PPFIA1: variants seen among roughly 807,000 people sequenced by gnomAD.
PPFIA1 encodes PPFI scaffold protein A1.
PPFIA1 carries 25 observed loss-of-function variants against 149.9 expected under a neutral mutation model. That is an observed-to-expected ratio of 0.17 (90% confidence interval 0.12 to 0.23). The LOEUF is 0.23. Among genes scored for constraint, PPFIA1 ranks in the 10% least tolerant of loss-of-function variants. The probability of loss-of-function intolerance (pLI) is 1.00; values close to 1 mark genes in which losing one functional copy is unlikely to be tolerated. For synonymous variants in PPFIA1, 549 were observed against 552.8 expected (o/e 0.99, Z 0.10); for missense variants, 1,362 against 1,506.5 (o/e 0.90, Z 1.59).
intron 23 of PPFIA1, chr11:70,373,350 C>T (rs1181795381): frequency 2.6e-5 from 4 of 152,484 alleles, no homozygotes; most frequent in Non-Finnish European, 4.4e-5. Flanking sequence ...GCCTTAGCCT[C>T]CCTAGTAGCT....
chr11:70,356,113 G>A (rs773958431), intron 18 of PPFIA1, 48 bp from the exon 19 acceptor site: 15 of 1,408,664 alleles, frequency 1.1e-5, no homozygotes, highest in Middle Eastern at 1.7e-4. Flanking sequence ...AAAACATAGA[G>A]CTTTGTCATG....
chr11:70,285,796 T>C (rs2051072797), intron 2 of PPFIA1, among the ~76,000 whole-genome samples: 1 of 152,334 alleles, frequency 6.6e-6, no homozygotes, highest in Admixed American at 6.5e-5. Flanking sequence ...ACATAATGTT[T>C]ATGTATATAG....
Position 70,310,410 on chromosome 11 carries a change from G to A in PPFIA1, c.265-13992G>A, listed in dbSNP as rs547681661. On this transcript the variant is annotated intron_variant, in intron 2 of 27. Coordinates refer to ENST00000253925, the MANE Select transcript of PPFIA1 (RefSeq NM_003626.5). ...CTTTTTTTTTTTTTTTTTTTGAGAC[G>A]GAGTCTTGCTCTGTCGACAGGCTGG... 7.5e-5 allele frequency among the ~76,000 whole-genome samples: 11 copies of A among 145,870 alleles called. No homozygotes were observed. In the South Asian group the frequency reaches 1.7e-3, roughly 23 times the overall value.
intron 2 of PPFIA1, among the ~76,000 whole-genome samples, chr11:70,300,708 T>C (rs1401530092): frequency 6.6e-6 from 1 of 152,142 alleles, no homozygotes; most frequent in African/African-American, 2.4e-5. Flanking sequence ...TAATTTTATG[T>C]ATTTTTAGTA....
intron 2 of PPFIA1, among the ~76,000 whole-genome samples, chr11:70,302,843 A>G (rs1468570249): frequency 6.6e-6 from 1 of 151,406 alleles, no homozygotes; most frequent in East Asian, 1.9e-4. Flanking sequence ...TCCTGGGCTC[A>G]AGCAATCCTC....
chr11:70,332,232 C>A, intron 9 of PPFIA1, 138 bp downstream of exon 9: 1 of 1,083,472 alleles, frequency 9.2e-7, no homozygotes, highest in Non-Finnish European at 1.3e-6. Flanking sequence ...AGTGCTCTTT[C>A]ATCTGAGATT....
At chr11:70,363,825 T>C (rs1459813621) in intron 21 of PPFIA1, among the ~76,000 whole-genome samples, 1 of 152,086 alleles carries the variant, frequency 6.6e-6, no homozygotes, top group Non-Finnish European at 1.5e-5. Flanking sequence ...GAAGCATCCA[T>C]TGAAATATAG....
At chr11:70,292,140 C>T (rs936306773) in intron 2 of PPFIA1, among the ~76,000 whole-genome samples, 1 of 152,080 alleles carries the variant, frequency 6.6e-6, no homozygotes, top group Non-Finnish European at 1.5e-5. Context: ...CTTGGCCAGT[C>T]GCCTGGCTAA....
intron 2 of PPFIA1, among the ~76,000 whole-genome samples, chr11:70,323,792 A>T (rs1161460383): frequency 6.6e-6 from 1 of 152,212 alleles, no homozygotes; most frequent in Non-Finnish European, 1.5e-5. Flanking sequence ...TACCCACAGT[A>T]GGGATTCTTG....
chr11:70,381,973 C>G, intron 26 of PPFIA1, 115 bp from the exon 27 acceptor site: 1 of 868,030 alleles, frequency 1.2e-6, no homozygotes, highest in East Asian at 2.7e-5. Flanking sequence ...CCTCAGGTCC[C>G]TCCGTAGGCA....
chr11:70,339,364 G>A, intron 14 of PPFIA1, 58 bp downstream of exon 14: 1 of 1,558,778 alleles, frequency 6.4e-7, no homozygotes, highest in Non-Finnish European at 8.7e-7. Flanking sequence ...TTATCCCGTG[G>A]CTTTCAGACT....
At chr11:70,345,728 G>A (rs1304240368) in intron 15 of PPFIA1, among the ~76,000 whole-genome samples, 1 of 152,200 alleles carries the variant, frequency 6.6e-6, no homozygotes, top group Admixed American at 6.5e-5. Flanking sequence ...TTGGGAGGCT[G>A]AGGCGGGAGG....
intron 2 of PPFIA1, among the ~76,000 whole-genome samples, chr11:70,294,893 TC>T (rs1468178967): frequency 6.6e-6 from 1 of 151,398 alleles, no homozygotes; most frequent in African/African-American, 2.4e-5. Flanking sequence ...ATCAACAGGA[TC>T]CCAAGGCAGA....
At chr11:70,324,225 G>T (rs1321164477) in intron 2 of PPFIA1, among the ~76,000 whole-genome samples, 177 bp from the exon 3 acceptor site, 3 of 152,190 alleles carry the variant, frequency 2.0e-5, no homozygotes, top group African/African-American at 4.8e-5. Flanking sequence ...TCAGTGTTGT[G>T]ATTTGTTAGG....
chr11:70,328,587 A>G (rs192530559), intron 7 of PPFIA1, among the ~76,000 whole-genome samples: 41 of 152,196 alleles, frequency 2.7e-4, no homozygotes, highest in African/African-American at 9.6e-4. Flanking sequence ...TCCTTTGGGT[A>G]TATACCCCGT....
At chr11:70,330,597 A>G (rs1026939302) in intron 8 of PPFIA1, among the ~76,000 whole-genome samples, 1 of 152,212 alleles carries the variant, frequency 6.6e-6, no homozygotes, top group African/African-American at 2.4e-5. Context: ...GAGAGTGGCA[A>G]AGAACTTCAA....
intron 21 of PPFIA1, chr11:70,365,649 TAG>T: frequency 5.6e-6 from 2 of 355,794 alleles, no homozygotes; most frequent in South Asian, 2.2e-5. Flanking sequence ...CTCTGTCTTT[TAG>T]AATAGCTTTA....
At position 70,375,192 on chromosome 11, in the gene PPFIA1, A is replaced by C. The variant is rs1591390037; in HGVS notation, c.3315+99A>C. On this transcript the variant is annotated intron_variant, in intron 24 of 27. Coordinates refer to ENST00000253925, the MANE Select transcript of PPFIA1 (RefSeq NM_003626.5). ...ATAGAAAGAAACTTTAAAAAAAAAA[A>C]AAAAAAAAAACTTCAGACAACTAGT... 1.2e-5 allele frequency: 5 copies of C among 410,020 alleles called. No individual in the cohort carries two copies. The South Asian group carries it at 3.3e-4, about 27-fold the overall frequency. The allele number at this position is 410,020 out of a possible 1,614,324, so 25.4% of individuals were successfully genotyped here.
chr11:70,316,220 C>T (rs1385560344), intron 2 of PPFIA1, among the ~76,000 whole-genome samples: 2 of 152,056 alleles, frequency 1.3e-5, no homozygotes, highest in Non-Finnish European at 2.9e-5. Flanking sequence ...TACAGGCATG[C>T]ACCACCACGC....
Sources: gnomAD v4.1 joint callset for allele counts (sites outside exome capture counted in the v4.1 genomes callset) on GRCh38, gnomAD v4.1.1 for gene constraint, MANE v1.5 for transcripts, NCBI Gene and HGNC (gene_info 2026-07-23, HGNC 2026-07-21) for gene names.